Variants in ADAMTS15 observed in about 807,000 individuals in gnomAD.
ADAMTS15 encodes ADAM metallopeptidase with thrombospondin type 1 motif 15, also known as A disintegrin and metalloproteinase with thrombospondin motifs 15.
In ADAMTS15, 35 loss-of-function variants were observed where a neutral mutation model predicts 79.1. That is an observed-to-expected ratio of 0.44 (90% CI 0.34 to 0.59). The LOEUF (loss-of-function observed/expected upper bound fraction) is 0.59, where lower values mean the gene tolerates loss of function less well. Ranked by LOEUF, ADAMTS15 falls within the 20% of genes least tolerant of loss-of-function variation. ADAMTS15 has a pLI of 0.02. For synonymous variants in ADAMTS15, 616 were observed against 567.3 expected (o/e 1.09, Z -1.22); for missense variants, 1,324 against 1,318.7 (o/e 1.00, Z -0.06).
At chr11:130,453,998 C>T (rs1248926905) in intron 1 of ADAMTS15, among the ~76,000 whole-genome samples, 2 of 152,078 alleles carry the variant, frequency 1.3e-5, no homozygotes, top group East Asian at 1.9e-4. Flanking sequence ...TTTTTGGAGA[C>T]GAGGTCTTGC....
chr11:130,463,907 C>CA (rs1315519315), intron 4 of ADAMTS15, among the ~76,000 whole-genome samples: 1 of 151,982 alleles, frequency 6.6e-6, no homozygotes. Context: ...CACGGGAGAA[C>CA]CAGGGTCAAG....
Position 130,473,253 on chromosome 11 carries a change from C to T in ADAMTS15, c.2285C>T (p.Thr762Met), listed in dbSNP as rs757688845. 38 of 1,613,408 alleles carry T rather than the reference C, an allele frequency of 2.4e-5. No homozygotes were observed. Among genetic ancestry groups the T allele is most frequent in the Admixed American group, 3.3e-5 (2 of 60,006 alleles). The change falls in exon 8 of 8, where the codon ACG becomes ATG. Residue 762 changes from threonine to methionine, a missense_variant. Transcript: ENST00000299164. ...GGCAGTCTGCTGCGGTACAGCGGCA[C>T]GGGCACAGCGGTGGAGAGCCTGCAG... is the stretch of plus-strand genomic sequence containing the variant. ...VKGSLLRYSG[T>M]GTAVESLQAS...
In ADAMTS15 at chr11:130,468,939, C is replaced by CAAAAAAAAAAAAA. The variant is rs911391031; in HGVS notation, c.1543-308_1543-296dup. ...GCAAAAGAGGGAGACTCCACCTCAACAAAAAAAAAAAAAAAAAAAAAAAAA... is the reference window on the plus strand; with the variant it reads ...GCAAAAGAGGGAGACTCCACCTCAACAAAAAAAAAAAAAAAAAAAAAAAAAAAAAAAAAAAAAA... On this transcript the variant is annotated intron_variant, in intron 4 of 7. Transcript: ENST00000299164. Among the ~76,000 whole-genome samples the CAAAAAAAAAAAAA allele has an allele frequency of 1.1e-3, 32 of 27,846 alleles. 4 individuals are homozygous for CAAAAAAAAAAAAA. Among genetic ancestry groups the CAAAAAAAAAAAAA allele is most frequent in the African/African-American group, 3.2e-3 (32 of 10,136 alleles). The allele number at this position is 27,846 out of a possible 152,430, so 18.3% of individuals were successfully genotyped here. A position where few individuals can be genotyped will look rare whatever the true frequency, so the allele number is the denominator to read the frequency against.
At chr11:130,471,548 C>CTCATTCATTCACTCATTCATTCAT (rs1399945791) in intron 7 of ADAMTS15, among the ~76,000 whole-genome samples, 165 bp downstream of exon 7, 3 of 152,080 alleles carry the variant, frequency 2.0e-5, no homozygotes, top group Non-Finnish European at 4.4e-5. Context: ...CCTTCACTCA[C>CTCATTCATTCACTCATTCATTCAT]TCATTCATTC....
rs1264231152 is a variant in ADAMTS15 at position 130,462,150 on chromosome 11, G to A, written c.1154G>A (p.Arg385Gln). 4.3e-6 allele frequency: 7 copies of A among 1,614,106 alleles called. No homozygotes were observed. The highest frequency in any genetic ancestry group is 2.7e-5 in the African/African-American group (2 of 75,008). The change falls in exon 3 of 8, where the codon CGA (arginine) becomes CAA (glutamine). Residue 385 changes from arginine (R) to glutamine (Q), a missense_variant. By Grantham distance (43) the Arg-to-Gln change is conservative. Transcript: ENST00000299164. The surrounding 1 kb of genome is among the most constrained non-coding windows in gnomAD (Gnocchi z 4.3). ...TGTGAGGAGGTGTTTGGGAAGCTCC[G>A]AGCCAACCACATGATGTCCCCGACC... The part of the protein sequence containing the change: ...KVCEEVFGKL[R>Q]ANHMMSPTLI...
At position 130,461,521 on chromosome 11, in the gene ADAMTS15, G is replaced by C; in HGVS notation, c.990G>C (p.Leu330=). 6.2e-7 allele frequency: 1 copy of C among 1,614,118 alleles called. No homozygotes were observed. Among genetic ancestry groups the C allele is most frequent in the Non-Finnish European group, 8.5e-7 (1 of 1,180,030 alleles). ...GTGGAGCCACCACCTGTGACACCCT[G>C]GGCATGGCTGATGTGGGTACCATGT... The part of the protein sequence containing the change: ...DLCGATTCDT[L]GMADVGTMCD... Residue 330 remains leucine (L), a synonymous_variant, in exon 2 of 8, where the codon CTG becomes CTC. Coordinates refer to ENST00000299164, the MANE Select transcript of ADAMTS15 (RefSeq NM_139055.4).
intron 1 of ADAMTS15, among the ~76,000 whole-genome samples, chr11:130,460,866 T>G (rs1938185025): frequency 6.6e-6 from 1 of 152,188 alleles, no homozygotes; most frequent in Non-Finnish European, 1.5e-5. Flanking sequence ...TCTTTCTTCC[T>G]AGCAGCCACT....
chr11:130,469,850 C>A (rs951549479), intron 5 of ADAMTS15, among the ~76,000 whole-genome samples: 5 of 151,962 alleles, frequency 3.3e-5, no homozygotes, highest in African/African-American at 1.2e-4. Flanking sequence ...AAAATTACAT[C>A]TCTATTTTTA....
At chr11:130,470,501 G>A (rs1938428220) in intron 5 of ADAMTS15, among the ~76,000 whole-genome samples, 3 of 151,952 alleles carry the variant, frequency 2.0e-5, no homozygotes, top group Admixed American at 1.3e-4. Flanking sequence ...ACAGGCATGA[G>A]CCAGTGTGTC....
chr11:130,469,955 T>C (rs1938387328), intron 5 of ADAMTS15, among the ~76,000 whole-genome samples: 2 of 151,444 alleles, frequency 1.3e-5, no homozygotes, highest in Admixed American at 6.6e-5. Context: ...TTCTTTCAGT[T>C]AGACAACAAA....
chr11:130,449,261 A>G lies in ADAMTS15; in HGVS notation c.288A>G (p.Ser96=). The G allele has an allele frequency of 6.2e-7, 1 of 1,613,030 alleles. No individual in the cohort carries two copies. Residue 96 remains serine, a synonymous_variant, in exon 1 of 8, where the codon TCA becomes TCG. Transcript: ENST00000299164. This position sits in a 1 kb window ranked among gnomAD's most constrained non-coding sequence, Gnocchi z 7.8. ...TCCAGGGGCTCACCGGGGGCTCTTC[A>G]GACCTGCGACGCTGCTTCTATTCTG... is the stretch of plus-strand genomic sequence containing the variant. ...VPLQGLTGGS[S]DLRRCFYSGD... is the part of the protein sequence containing the mutation.
In ADAMTS15 at chr11:130,470,182, G is replaced by GTGTATATATATATATATATATATA. The variant is rs1938414045; in HGVS notation, c.1721-735_1721-734insATATATATATATATATATATATGT. Among the ~76,000 whole-genome samples, 13 of 72,744 alleles carry GTGTATATATATATATATATATATA rather than the reference G, an allele frequency of 1.8e-4. 1 individual carries two copies. The highest frequency in any genetic ancestry group is 4.1e-4 in the South Asian group (1 of 2,462). The allele number at this position is 72,744 out of a possible 152,430, so 47.7% of individuals were successfully genotyped here. ...TATATATATATATATATATATATAT[G>GTGTATATATATATATATATATATA]TGTGTATATATATATATATATATAT... On this transcript the variant is annotated intron_variant, in intron 5 of 7. Transcript: ENST00000299164.
Position 130,473,864 on chromosome 11 carries a change from T to A in ADAMTS15, c.*43T>A. On this transcript the variant is annotated 3_prime_UTR_variant, in exon 8 of 8. Coordinates refer to ENST00000299164, the MANE Select transcript of ADAMTS15 (RefSeq NM_139055.4). ...TCCCCCTCACTCTCCACCCCACTGATATGCCAGCGTTCTGCCAGCTGGAGT... is the reference window on the plus strand; with the variant it reads ...TCCCCCTCACTCTCCACCCCACTGAAATGCCAGCGTTCTGCCAGCTGGAGT... The A allele has an allele frequency of 2.6e-6, 4 of 1,534,546 alleles. No individual in the cohort carries two copies. The highest frequency in any genetic ancestry group is 3.5e-6 in the Non-Finnish European group (4 of 1,144,878).
chr11:130,461,477 C>T lies in ADAMTS15; in HGVS notation c.958-12C>T, dbSNP rs200928282. On this transcript the variant is annotated splice_polypyrimidine_tract_variant and intron_variant, in intron 1 of 7. Coordinates refer to ENST00000299164, the MANE Select transcript of ADAMTS15 (RefSeq NM_139055.4). ...ACTTCGGGCTGGCTTCTGCTTCTCC[C>T]CCACCCGGCAGGACCTGTGTGGAGC... The T allele has an allele frequency of 1.2e-6, 2 of 1,614,042 alleles. No homozygotes were observed. Among genetic ancestry groups the T allele is most frequent in the East Asian group, 2.2e-5 (1 of 44,864 alleles).
rs1028249085 is a variant in ADAMTS15, at chr11:130,475,588, A to C, written c.*1767A>C. 2 of 152,262 alleles carry C rather than the reference A, an allele frequency of 1.3e-5. No individual in the cohort carries two copies. Among genetic ancestry groups the C allele is most frequent in the Non-Finnish European group, 2.9e-5 (2 of 68,098 alleles). 9.4% of individuals were successfully genotyped at this position (152,262 alleles called of 1,614,324 possible). ...CCACAAACCAGCCAGCCAGCCAGCC[A>C]AGCCTCTGCGATGATGTTCTCATCC... is the stretch of plus-strand genomic sequence containing the variant. On this transcript the variant is annotated 3_prime_UTR_variant, in exon 8 of 8. Coordinates refer to ENST00000299164, the MANE Select transcript of ADAMTS15 (RefSeq NM_139055.4).
In ADAMTS15 at chr11:130,448,908, C is replaced by G. The variant is rs1411657672; in HGVS notation, c.-66C>G. The G allele has an allele frequency of 5.4e-6, 7 of 1,296,284 alleles. No individual in the cohort carries two copies. Among genetic ancestry groups the G allele is most frequent in the Admixed American group, 2.8e-5 (1 of 35,602 alleles). The allele number at this position is 1,296,284 out of a possible 1,614,324, so 80.3% of individuals were successfully genotyped here. ...TCCAGAGTGCGGGCTGCACGGAGAC[C>G]GCGGCAGCGGCCGGAGAGCCCGGCC... On this transcript the variant is annotated 5_prime_UTR_variant, in exon 1 of 8. Coordinates refer to ENST00000299164, the MANE Select transcript of ADAMTS15 (RefSeq NM_139055.4).
At chr11:130,469,156 A>C (rs1315164848) in intron 4 of ADAMTS15, 106 bp from the exon 5 acceptor site, 1 of 1,042,634 alleles carries the variant, frequency 9.6e-7, no homozygotes, top group Non-Finnish European at 1.3e-6. Context: ...CATTCCAGGA[A>C]GGTGGGATGA....
intron 5 of ADAMTS15, among the ~76,000 whole-genome samples, chr11:130,470,151 T>TATATATATATACAC (rs1565397596): frequency 3.6e-5 from 2 of 56,326 alleles, no homozygotes; most frequent in Non-Finnish European, 6.9e-5. Context: ...TATATATATA[T>TATATATATATACAC]GTGTATATAT....
rs1271713550 is a variant in ADAMTS15 at position 130,475,839 on chromosome 11, C to T, written c.*2018C>T. On this transcript the variant is annotated 3_prime_UTR_variant, in exon 8 of 8. Coordinates refer to ENST00000299164, the MANE Select transcript of ADAMTS15 (RefSeq NM_139055.4). ...CTGCGCCCTGTGCTTGGTGCACTCCCTCCTTCAGGAGGAGAGGGTGGCATG... is the reference window on the plus strand; with the variant it reads ...CTGCGCCCTGTGCTTGGTGCACTCCTTCCTTCAGGAGGAGAGGGTGGCATG... The T allele has an allele frequency of 6.6e-6, 1 of 150,526 alleles. No individual in the cohort carries two copies. Among genetic ancestry groups the T allele is most frequent in the Admixed American group, 6.6e-5 (1 of 15,094 alleles). 9.3% of individuals were successfully genotyped at this position (150,526 alleles called of 1,614,324 possible).
Sources: allele counts gnomAD v4.1 joint callset (sites outside exome capture counted in the v4.1 genomes callset), GRCh38; gene constraint gnomAD v4.1.1; non-coding constraint Gnocchi (gnomAD v3.1); transcripts MANE v1.5; gene names NCBI Gene and HGNC (gene_info 2026-07-23, HGNC 2026-07-21).